Variants in SPOCK1 observed in about 807,000 individuals in gnomAD.
SPOCK1 encodes SPARC (osteonectin), cwcv and kazal like domains proteoglycan 1, also known as testican-1.
SPOCK1 carries 23 observed loss-of-function variants against 55.3 expected under a neutral mutation model. The ratio of observed to expected loss-of-function variants is 0.42; its 90% confidence interval spans 0.30 to 0.59. SPOCK1 has a LOEUF of 0.59. Ranked by LOEUF, SPOCK1 falls within the 20% of genes least tolerant of loss-of-function variation. SPOCK1 has a pLI of 0.22. For synonymous variants in SPOCK1, 226 were observed against 221.0 expected (o/e 1.02, Z -0.20); for missense variants, 499 against 552.5 (o/e 0.90, Z 0.97).
At chr5:137,165,967 C>A (rs1836299) in intron 3 of SPOCK1, among the ~76,000 whole-genome samples, 100,710 of 151,930 alleles carry the variant, frequency 0.66, 33,787 homozygotes, top group African/African-American at 0.77. Flanking sequence ...TTAAAGAGGA[C>A]GTAGAGAAAG....
intron 2 of SPOCK1, among the ~76,000 whole-genome samples, chr5:137,285,144 A>G (rs1399291654): frequency 3.3e-5 from 5 of 152,234 alleles, no homozygotes; most frequent in Non-Finnish European, 5.9e-5. Flanking sequence ...TCGCAGACAC[A>G]CACACGTTAA....
At chr5:137,015,454 A>G (rs997564327) in intron 6 of SPOCK1, among the ~76,000 whole-genome samples, 1 of 152,078 alleles carries the variant, frequency 6.6e-6, no homozygotes, top group Non-Finnish European at 1.5e-5. Flanking sequence ...TGTCTCAGAG[A>G]GATAGATAGC....
At chr5:137,287,472 A>G (rs2127128735) in intron 2 of SPOCK1, among the ~76,000 whole-genome samples, 1 of 152,266 alleles carries the variant, frequency 6.6e-6, no homozygotes, top group African/African-American at 2.4e-5. Flanking sequence ...ATCCTACCCA[A>G]CTGGAAAAAA....
chr5:137,138,003 T>C (rs1580770882), intron 4 of SPOCK1, among the ~76,000 whole-genome samples: 4 of 152,002 alleles, frequency 2.6e-5, no homozygotes, highest in Admixed American at 2.6e-4. Flanking sequence ...CAAGGATTCA[T>C]AAAATTTATC....
At chr5:137,271,151 A>C (rs966123198) in intron 2 of SPOCK1, among the ~76,000 whole-genome samples, 1 of 151,582 alleles carries the variant, frequency 6.6e-6, no homozygotes, top group Non-Finnish European at 1.5e-5. Context: ...AGCAAATAAG[A>C]CTCCAGTTAT....
intron 3 of SPOCK1, among the ~76,000 whole-genome samples, chr5:137,214,955 C>T (rs1186634600): frequency 6.6e-6 from 1 of 152,102 alleles, no homozygotes; most frequent in African/African-American, 2.4e-5. Flanking sequence ...AATATTTACT[C>T]CTTAATTGGG....
intron 2 of SPOCK1, among the ~76,000 whole-genome samples, chr5:137,334,936 T>G (rs1214180039): frequency 6.6e-6 from 1 of 152,158 alleles, no homozygotes; most frequent in Admixed American, 6.5e-5. Flanking sequence ...ATACCACTAG[T>G]GATGCTCAGA....
intron 3 of SPOCK1, among the ~76,000 whole-genome samples, chr5:137,239,351 A>T (rs2966731): frequency 0.56 from 84,933 of 152,096 alleles, 24,480 homozygotes; most frequent in African/African-American, 0.71. Context: ...CTTCATCCGG[A>T]CTTTCATTTA....
chr5:137,258,968 C>T (rs893651507), intron 3 of SPOCK1, among the ~76,000 whole-genome samples: 2 of 152,088 alleles, frequency 1.3e-5, no homozygotes, highest in African/African-American at 4.8e-5. Flanking sequence ...TCATAGCCGA[C>T]CCCAGCACTC....
chr5:136,996,421 A>G (rs1432672508), intron 6 of SPOCK1, among the ~76,000 whole-genome samples: 1 of 152,190 alleles, frequency 6.6e-6, no homozygotes, highest in Non-Finnish European at 1.5e-5. Context: ...TGGATTAATC[A>G]CGAAGACCAA....
intron 3 of SPOCK1, among the ~76,000 whole-genome samples, chr5:137,194,830 C>G (rs1755266722): frequency 6.6e-6 from 1 of 152,184 alleles, no homozygotes; most frequent in Admixed American, 6.5e-5. Flanking sequence ...TAAGCACCAG[C>G]CCTGAGCCGG....
intron 2 of SPOCK1, among the ~76,000 whole-genome samples, chr5:137,480,975 A>G (rs1297976613): frequency 6.6e-6 from 1 of 152,200 alleles, no homozygotes; most frequent in Non-Finnish European, 1.5e-5. Flanking sequence ...GTATTCTTTA[A>G]TATTTTTTAC....
intron 9 of SPOCK1, among the ~76,000 whole-genome samples, chr5:136,979,736 TA>T (rs995780842): frequency 8.5e-5 from 13 of 152,204 alleles, no homozygotes; most frequent in Non-Finnish European, 7.4e-5. Flanking sequence ...GGCACTGACC[TA>T]AATCGTGCTT....
chr5:137,013,293 T>A (rs1751388071), intron 6 of SPOCK1, among the ~76,000 whole-genome samples: 2 of 152,222 alleles, frequency 1.3e-5, no homozygotes, highest in Non-Finnish European at 2.9e-5. Flanking sequence ...AACACTCCGA[T>A]GAGACTCAGA....
chr5:137,111,357 T>C (rs1753466364), intron 5 of SPOCK1, among the ~76,000 whole-genome samples: 1 of 152,034 alleles, frequency 6.6e-6, no homozygotes, highest in African/African-American at 2.4e-5. Flanking sequence ...AAGTTAAACC[T>C]TACACAGAAA....
At chr5:137,229,927 C>T (rs1210824921) in intron 3 of SPOCK1, among the ~76,000 whole-genome samples, 3 of 152,168 alleles carry the variant, frequency 2.0e-5, no homozygotes, top group Admixed American at 1.3e-4. Flanking sequence ...CTCACTCACC[C>T]TGCCGCTCAC....
intron 2 of SPOCK1, among the ~76,000 whole-genome samples, chr5:137,317,244 T>C (rs956594942): frequency 1.3e-5 from 2 of 152,172 alleles, no homozygotes; most frequent in African/African-American, 4.8e-5. Context: ...TTGTAAGAAA[T>C]GTTCAGTCAA....
At chr5:137,140,464 C>A in intron 4 of SPOCK1, 116 bp downstream of exon 4, 1 of 748,624 alleles carries the variant, frequency 1.3e-6, no homozygotes, top group African/African-American at 1.8e-5. Context: ...ATACAAATGG[C>A]GACCCTAACA....
At chr5:136,986,340 G>A (rs1336147383) in intron 8 of SPOCK1, among the ~76,000 whole-genome samples, 1 of 151,998 alleles carries the variant, frequency 6.6e-6, no homozygotes, top group African/African-American at 2.4e-5. Flanking sequence ...TAACACATAG[G>A]CTCTGTGTTG....
Sources: gnomAD v4.1 joint callset for allele counts (sites outside exome capture counted in the v4.1 genomes callset) on GRCh38, gnomAD v4.1.1 for gene constraint, MANE v1.5 for transcripts, NCBI Gene and HGNC (gene_info 2026-07-23, HGNC 2026-07-21) for gene names.